ELOVL6: variants seen among roughly 807,000 people sequenced by gnomAD.
ELOVL6 encodes very long chain fatty acid elongase 6.
Under a neutral mutation model 31.7 loss-of-function variants are expected in ELOVL6, and 8 were observed. The ratio of observed to expected loss-of-function variants is 0.25; its 90% CI spans 0.15 to 0.45. The LOEUF (loss-of-function observed/expected upper bound fraction) is 0.45. ELOVL6 is among the 20% of genes least tolerant of loss of function. The pLI, the probability that ELOVL6 is intolerant of heterozygous loss-of-function variation, is 1.00. For missense variants in ELOVL6, 126 were observed against 326.4 expected (o/e 0.39, Z 4.73); for synonymous variants, 101 against 117.7 (o/e 0.86, Z 0.92).
At chr4:110,078,370 A>G (rs987411529) in intron 2 of ELOVL6, among the ~76,000 whole-genome samples, 8 of 152,254 alleles carry the variant, frequency 5.3e-5, no homozygotes, top group Non-Finnish European at 7.3e-5. Context: ...AGGGAAGCCC[A>G]TGAGACTAAC....
At chr4:110,178,457 G>A (rs961904218) in intron 1 of ELOVL6, among the ~76,000 whole-genome samples, 19 of 151,794 alleles carry the variant, frequency 1.3e-4, no homozygotes, top group African/African-American at 4.6e-4. Flanking sequence ...CAGAAGAATC[G>A]CTTGAACTGG....
chr4:110,176,267 A>G (rs1759102357), intron 1 of ELOVL6, among the ~76,000 whole-genome samples: 1 of 152,014 alleles, frequency 6.6e-6, no homozygotes. Flanking sequence ...GGTTCAAGTG[A>G]TTCTCCTGCC....
At chr4:110,102,886 G>A (rs1048292504) in intron 2 of ELOVL6, among the ~76,000 whole-genome samples, 2 of 126,208 alleles carry the variant, frequency 1.6e-5, no homozygotes, top group Non-Finnish European at 3.2e-5. Flanking sequence ...AACTTGAATT[G>A]TATCTCCCAG....
At chr4:110,197,176 C>A (rs1023862448) in intron 1 of ELOVL6, among the ~76,000 whole-genome samples, 6 of 152,218 alleles carry the variant, frequency 3.9e-5, no homozygotes, top group Admixed American at 3.9e-4. Flanking sequence ...CCCGGGCTGC[C>A]GGCCCCTTGC....
chr4:110,188,850 C>A (rs1443184829), intron 1 of ELOVL6, among the ~76,000 whole-genome samples: 1 of 148,066 alleles, frequency 6.8e-6, no homozygotes, highest in Non-Finnish European at 1.5e-5. Context: ...GAGATCATGC[C>A]ATTGCACTCC....
At chr4:110,066,365 G>A (rs529797875) in intron 2 of ELOVL6, among the ~76,000 whole-genome samples, 49 of 152,084 alleles carry the variant, frequency 3.2e-4, no homozygotes, top group African/African-American at 1.0e-3. Context: ...GGCCAGGCAC[G>A]GTGGCTCATG....
intron 3 of ELOVL6, among the ~76,000 whole-genome samples, chr4:110,059,373 C>A (rs1468727894): frequency 3.9e-5 from 6 of 152,146 alleles, no homozygotes; most frequent in Non-Finnish European, 8.8e-5. Flanking sequence ...CGAAAATCAG[C>A]ATGTTCAGTA....
At chr4:110,152,415 T>C (rs537877748) in intron 1 of ELOVL6, among the ~76,000 whole-genome samples, 105 of 152,204 alleles carry the variant, frequency 6.9e-4, no homozygotes, top group Middle Eastern at 3.2e-3. Context: ...TTCCCAAATC[T>C]TACCTCTCTG....
chr4:110,069,259 T>C (rs1755398461), intron 2 of ELOVL6, among the ~76,000 whole-genome samples: 1 of 151,954 alleles, frequency 6.6e-6, no homozygotes. Context: ...ATTTTGAGAT[T>C]CTGATGAAGA....
At chr4:110,138,243 G>A (rs1405725313) in intron 1 of ELOVL6, among the ~76,000 whole-genome samples, 1 of 152,148 alleles carries the variant, frequency 6.6e-6, no homozygotes, top group Non-Finnish European at 1.5e-5. Flanking sequence ...TGGCCTTGTG[G>A]TTGTAAAGCA....
chr4:110,162,503 T>C (rs1029510791), intron 1 of ELOVL6, among the ~76,000 whole-genome samples: 1 of 152,118 alleles, frequency 6.6e-6, no homozygotes, highest in African/African-American at 2.4e-5. Flanking sequence ...CATGCCACTA[T>C]GCCTAATTTT....
intron 1 of ELOVL6, among the ~76,000 whole-genome samples, chr4:110,160,396 T>C (rs964532886): frequency 3.9e-5 from 6 of 152,228 alleles, no homozygotes; most frequent in African/African-American, 1.4e-4. Context: ...CTGTGTTGCT[T>C]TACTCATTAG....
At chr4:110,133,346 G>A (rs1757723082) in intron 1 of ELOVL6, among the ~76,000 whole-genome samples, 1 of 152,198 alleles carries the variant, frequency 6.6e-6, no homozygotes, top group South Asian at 2.1e-4. Context: ...CATGCCAGGT[G>A]TTAGGCAAAT....
intron 1 of ELOVL6, among the ~76,000 whole-genome samples, chr4:110,144,141 A>G (rs1758042336): frequency 6.6e-6 from 1 of 152,036 alleles, no homozygotes; most frequent in African/African-American, 2.4e-5. Context: ...CAAAAATACC[A>G]AATCTGTCAT....
At chr4:110,151,838 A>T (rs545234503) in intron 1 of ELOVL6, among the ~76,000 whole-genome samples, 23 of 152,342 alleles carry the variant, frequency 1.5e-4, no homozygotes, top group South Asian at 1.5e-3. Flanking sequence ...CGTCAGTAAA[A>T]AGGAGATTTT....
intron 1 of ELOVL6, among the ~76,000 whole-genome samples, chr4:110,195,987 G>A (rs1018596626): frequency 6.6e-6 from 1 of 152,206 alleles, no homozygotes; most frequent in Non-Finnish European, 1.5e-5. Context: ...CCTAACAGGA[G>A]TAGATACGTT....
At chr4:110,104,250 G>A (rs978839831) in intron 2 of ELOVL6, among the ~76,000 whole-genome samples, 1 of 152,192 alleles carries the variant, frequency 6.6e-6, no homozygotes, top group African/African-American at 2.4e-5. Flanking sequence ...GGCATACTCT[G>A]TCAACCTTAA....
chr4:110,177,718 C>T (rs879468865), intron 1 of ELOVL6, among the ~76,000 whole-genome samples: 4 of 152,058 alleles, frequency 2.6e-5, no homozygotes, highest in African/African-American at 7.2e-5. Flanking sequence ...ATTATTAAAA[C>T]CACTAAACAA....
chr4:110,056,976 T>C (rs1005975047), intron 3 of ELOVL6, among the ~76,000 whole-genome samples: 4 of 152,138 alleles, frequency 2.6e-5, no homozygotes, highest in Admixed American at 6.5e-5. Context: ...TATGAATACC[T>C]CTGGGTGCTA....
Sources: allele counts gnomAD v4.1 joint callset (sites outside exome capture counted in the v4.1 genomes callset), GRCh38; gene constraint gnomAD v4.1.1; transcripts MANE v1.5; gene names NCBI Gene and HGNC (gene_info 2026-07-23, HGNC 2026-07-21).